OPRM1: variants seen among roughly 807,000 people sequenced by gnomAD.
OPRM1 encodes mu-type opioid receptor.
In OPRM1, 27 loss-of-function variants were observed where a neutral mutation model predicts 31.8. The observed-to-expected ratio is 0.85, with a 90% CI of 0.63 to 1.17. OPRM1 has a LOEUF of 1.17. Among genes scored for constraint, OPRM1 ranks in the 50% most tolerant of loss-of-function variants. OPRM1 has a pLI of 0.00. For synonymous variants in OPRM1, 196 were observed against 189.9 expected, an observed-to-expected ratio of 1.03 and a Z score of -0.26; for missense variants, 536 against 511.1, an observed-to-expected ratio of 1.05 and a Z score of -0.47.
At chr6:154,038,677 C>A (rs766992303), upstream of OPRM1, among the ~76,000 whole-genome samples, 3 of 152,170 alleles carry the variant, frequency 2.0e-5, no homozygotes, top group African/African-American at 7.2e-5. Flanking sequence ...ATGCCACAAC[C>A]TTCTGATTTC....
chr6:154,152,218 A>G (rs192917451), intron 3 of OPRM1, among the ~76,000 whole-genome samples: 5 of 150,592 alleles, frequency 3.3e-5, no homozygotes, highest in Admixed American at 2.0e-4. Context: ...AGAAGGAAGA[A>G]AGAACGAAAA....
rs1384116246 is a variant in OPRM1, at chr6:154,043,539, A to G, written c.290+3705A>G. On this transcript the variant is annotated intron_variant, in intron 1 of 3. Coordinates refer to ENST00000330432, the MANE Select transcript of OPRM1 (RefSeq NM_000914.5). ...TAAGGATATATATGTGTGTGTGTGT[A>G]TATATATATATATATAAATTCACAC... Among the ~76,000 whole-genome samples the G allele has an allele frequency of 4.2e-3, 329 of 79,250 alleles. 4 individuals are homozygous for G. The highest frequency in any genetic ancestry group is 5.1e-3 in the African/African-American group (68 of 13,340). The allele number at this position is 79,250 out of a possible 152,430, so 52.0% of individuals were successfully genotyped here. A position where few individuals can be genotyped will look rare whatever the true frequency, so the allele number is the denominator to read the frequency against.
chr6:154,094,739 A>C (rs1444374705), intron 3 of OPRM1, among the ~76,000 whole-genome samples: 1 of 152,062 alleles, frequency 6.6e-6, no homozygotes, highest in East Asian at 1.9e-4. Context: ...CATACGGTCA[A>C]CTCTGTGGTT....
In OPRM1 at chr6:154,118,884, G is replaced by T. The variant is rs187359608; in HGVS notation, c.*163G>T. The T allele has an allele frequency of 3.3e-4, 483 of 1,448,032 alleles. 2 individuals are homozygous for T. The African/African-American group carries it at 5.8e-3, about 17-fold the overall frequency. 89.7% of individuals were successfully genotyped at this position (1,448,032 alleles called of 1,614,324 possible). On this transcript the variant is annotated 3_prime_UTR_variant, in exon 4 of 4. Transcript: ENST00000330432. ...TCTGGCCACTCTGCTCTGCACATTA[G>T]AGGGACAGCCAAAAGTAAGTGGAGC...
chr6:154,212,040 G>C (rs1345256637), intron 3 of OPRM1, among the ~76,000 whole-genome samples: 1 of 152,162 alleles, frequency 6.6e-6, no homozygotes, highest in African/African-American at 2.4e-5. Flanking sequence ...TTCCAGGGTT[G>C]CCTGGAGAAT....
chr6:154,069,043 A>G (rs1386267936), intron 1 of OPRM1, among the ~76,000 whole-genome samples: 1 of 152,056 alleles, frequency 6.6e-6, no homozygotes, highest in Non-Finnish European at 1.5e-5. Flanking sequence ...CCATTTGTTA[A>G]TTAGGTTATT....
intron 3 of OPRM1, chr6:154,107,622 C>T (rs1795787223): frequency 2.8e-6 from 2 of 718,454 alleles, no homozygotes; most frequent in East Asian, 2.7e-5. Flanking sequence ...TTAGAGCTGA[C>T]TATGACATGA....
chr6:154,185,675 G>A (rs906158087), intron 3 of OPRM1, among the ~76,000 whole-genome samples: 1 of 152,090 alleles, frequency 6.6e-6, no homozygotes. Flanking sequence ...TAATCCGGGG[G>A]TGTCCAATCT....
Position 154,238,166 on chromosome 6 carries a change from T to C in OPRM1, c.1165-8527T>C, listed in dbSNP as rs531986728. Among the ~76,000 whole-genome samples the C allele has an allele frequency of 3.3e-5, 5 of 152,360 alleles. No homozygotes were observed. The South Asian group carries it at 8.3e-4, about 25-fold the overall frequency. ...AGTGACAACAGCATCATGTATGATA[T>C]TATTTTATTTTTGTAAAACATAGAA... On this transcript the variant is annotated intron_variant, in intron 3 of 3. Transcript: ENST00000337049.
chr6:154,134,230 T>C (rs1797999561), downstream of OPRM1, among the ~76,000 whole-genome samples: 1 of 152,208 alleles, frequency 6.6e-6, no homozygotes, highest in African/African-American at 2.4e-5. Context: ...TACCCAGGCT[T>C]TGGGAGATGA....
rs148562556 is a variant in OPRM1, at chr6:154,132,023, TA to T, written c.*13305del. Among the ~76,000 whole-genome samples, 1,827 of 151,988 alleles carry T rather than the reference TA, an allele frequency of 0.012. 37 individuals carry two copies. The highest frequency in any genetic ancestry group is 0.042 in the African/African-American group (1,755 of 41,450). ...CTATTGAAAAATAAATATCTTCATT[TA>T]AAGTAGAGACAAAGCTACTATTTCA... On this transcript the variant is annotated 3_prime_UTR_variant, in exon 4 of 4. Transcript: ENST00000330432.
chr6:154,047,493 A>C (rs1781359940), intron 1 of OPRM1, among the ~76,000 whole-genome samples: 1 of 151,320 alleles, frequency 6.6e-6, no homozygotes, highest in African/African-American at 2.4e-5. Flanking sequence ...TTTAATTTTT[A>C]GGAGATGGTT....
chr6:154,223,382 T>G lies in OPRM1; in HGVS notation c.1165-23311T>G, dbSNP rs891654760. ...AGATACCAACCACCCTGAATCACCA[T>G]GGAGGTGTCCCAGATACACAGCTCA... On this transcript the variant is annotated intron_variant, in intron 3 of 3. Coordinates refer to the OPRM1 transcript ENST00000337049. 1.2e-5 allele frequency: 8 copies of G among 692,268 alleles called. No homozygotes were observed. In the Admixed American group the frequency reaches 1.7e-4, roughly 15 times the overall value. 42.9% of individuals were successfully genotyped at this position (692,268 alleles called of 1,614,324 possible).
At chr6:154,214,061 A>G (rs1778185328) in intron 3 of OPRM1, among the ~76,000 whole-genome samples, 1 of 152,218 alleles carries the variant, frequency 6.6e-6, no homozygotes, top group African/African-American at 2.4e-5. Context: ...AGTCTGTGTG[A>G]ATATGTCTGT....
chr6:154,157,856 T>G (rs1798777912), intron 3 of OPRM1: 1 of 152,234 alleles, frequency 6.6e-6, no homozygotes, highest in Non-Finnish European at 1.5e-5. Flanking sequence ...GGCAAAAGGT[T>G]AAAGCACTGC....
At position 154,123,004 on chromosome 6, in the gene OPRM1, G is replaced by A. The variant is rs1255305453; in HGVS notation, c.*4283G>A. Among the ~76,000 whole-genome samples the A allele has an allele frequency of 2.0e-5, 3 of 152,176 alleles. No individual in the cohort carries two copies. Among genetic ancestry groups the A allele is most frequent in the African/African-American group, 7.2e-5 (3 of 41,448 alleles). The stretch of plus-strand genomic sequence containing the variant: ...AAATTAAGGAGCATGGACACAAAGG[G>A]TGAGGTTGGAGCAAAAGTTTAATAA... On this transcript the variant is annotated 3_prime_UTR_variant, in exon 4 of 4. Transcript: ENST00000330432.
intron 3 of OPRM1, among the ~76,000 whole-genome samples, chr6:154,103,559 C>CT (rs968991406): frequency 5.3e-5 from 8 of 151,416 alleles, no homozygotes; most frequent in Admixed American, 6.6e-5. Context: ...GGTTTATAAA[C>CT]TTTTTTTTTC....
intron 1 of OPRM1, among the ~76,000 whole-genome samples, chr6:154,031,577 A>G: frequency 6.6e-6 from 1 of 151,238 alleles, no homozygotes; most frequent in Non-Finnish European, 1.5e-5. Context: ...TCTACTAAAA[A>G]TACAAAAAAA....
chr6:154,082,761 T>C (rs1789464838), intron 1 of OPRM1, among the ~76,000 whole-genome samples: 1 of 152,216 alleles, frequency 6.6e-6, no homozygotes, highest in Non-Finnish European at 1.5e-5. Flanking sequence ...CAAAGCAGTA[T>C]TCTCTGTAAA....
Sources: allele counts gnomAD v4.1 joint callset (sites outside exome capture counted in the v4.1 genomes callset), GRCh38; gene constraint gnomAD v4.1.1; transcripts MANE v1.5; gene names NCBI Gene and HGNC (gene_info 2026-07-23, HGNC 2026-07-21).